Variants in PRKDC observed in about 807,000 individuals in gnomAD.
PRKDC encodes the protein DNA-dependent protein kinase catalytic subunit.
PRKDC carries 82 observed loss-of-function variants against 486.9 expected under a neutral mutation model. That is an observed-to-expected ratio of 0.17 (90% CI 0.14 to 0.20). The LOEUF is 0.20. Among genes scored for constraint, PRKDC ranks in the 10% least tolerant of loss-of-function variants. The probability of loss-of-function intolerance (pLI) is 1.00; values close to 1 mark genes in which losing one functional copy is unlikely to be tolerated. For synonymous variants in PRKDC, 1,895 were observed against 1,837.0 expected (o/e 1.03, Z -0.81); for missense variants, 4,504 against 5,038.2 (o/e 0.89, Z 3.21).
rs756644948 is a variant in PRKDC at position 47,914,033 on chromosome 8, A to G, written c.2649T>C (p.Tyr883=). 1 of 1,573,970 alleles carries G rather than the reference A, an allele frequency of 6.4e-7. No individual in the cohort carries two copies. Among genetic ancestry groups the G allele is most frequent in the South Asian group, 1.2e-5 (1 of 82,476 alleles). The change falls in exon 24 of 86, where the codon TAT becomes TAC. Residue 883 remains tyrosine (Y), a synonymous_variant. Coordinates refer to ENST00000314191, the MANE Select transcript of PRKDC (RefSeq NM_006904.7). ...GCCGCTTCTCTCTGTCCCAGGCCAC[A>G]TAGCTCTTCATCATCTCATCTGAGG... ...VTSSDEMMKS[Y]VAWDREKRLS...
intron 39 of PRKDC, among the ~76,000 whole-genome samples, chr8:47,878,231 G>A (rs1159265404): frequency 1.3e-5 from 2 of 150,408 alleles, no homozygotes; most frequent in East Asian, 2.0e-4. Context: ...TCAGCCTTCC[G>A]AGTAGCTGGG....
chr8:47,817,497 A>T lies in PRKDC; in HGVS notation c.9510T>A (p.Asp3170Glu), dbSNP rs757958003. The T allele has an allele frequency of 6.2e-7, 1 of 1,608,098 alleles. No homozygotes were observed. The highest frequency in any genetic ancestry group is 8.5e-7 in the Non-Finnish European group (1 of 1,176,874). The stretch of plus-strand genomic sequence containing the variant: ...AGATGTTCATTGGGTCCATTTTAGC[A>T]TCTGGATATCTGTTTGTCCAGGTGT... ...LLNTWTNRYP[D>E]AKMDPMNIWD... The change falls in exon 68 of 86, where the codon GAT (aspartate) becomes GAA (glutamate). Residue 3170 changes from aspartate (D) to glutamate (E), a missense_variant. This residue lies in a region of PRKDC where 1,592 missense variants were observed against 1,724.6 expected (regional missense o/e 0.92). Transcript: ENST00000314191.
At chr8:47,849,070 G>A in intron 54 of PRKDC, 84 bp downstream of exon 54, 4 of 1,502,798 alleles carry the variant, frequency 2.7e-6, no homozygotes, top group Non-Finnish European at 3.6e-6. Context: ...GAAACCCACA[G>A]GTTCTTCTTG....
chr8:47,953,147 A>G (rs570635796), intron 7 of PRKDC, among the ~76,000 whole-genome samples: 28 of 152,208 alleles, frequency 1.8e-4, no homozygotes, highest in Non-Finnish European at 8.8e-5. Context: ...TTTAAAAAAA[A>G]AAAGAAAGTA....
intron 10 of PRKDC, chr8:47,939,913 G>T: frequency 4.9e-6 from 1 of 204,068 alleles, no homozygotes; most frequent in Non-Finnish European, 9.2e-6. Context: ...ATTTTTCCTA[G>T]AGAAGGGACT....
intron 16 of PRKDC, among the ~76,000 whole-genome samples, chr8:47,932,153 G>A (rs535167381): frequency 2.7e-5 from 4 of 150,518 alleles, no homozygotes; most frequent in South Asian, 4.2e-4. Flanking sequence ...GTGCAATCTC[G>A]GCTCACTGCA....
At position 47,879,647 on chromosome 8, in the gene PRKDC, G is replaced by C. The variant is rs201654601; in HGVS notation, c.5079C>G (p.Val1693=). 263 of 1,578,428 alleles carry C rather than the reference G, an allele frequency of 1.7e-4. No homozygotes were observed. Among genetic ancestry groups the C allele is most frequent in the Non-Finnish European group, 2.2e-4 (252 of 1,165,402 alleles). ...KLDLHLKGQA[V]TLLPFFTSLT... is the part of the protein sequence containing the mutation. The stretch of plus-strand genomic sequence containing the variant: ...GGCTGGTGAAGAATGGAAGAAGAGT[G>C]ACAGCTTGGCCCTGTGGAGCAAGAC... Residue 1693 remains valine (V), a synonymous_variant, in exon 39 of 86, where the codon GTC becomes GTG. Coordinates refer to ENST00000314191, the MANE Select transcript of PRKDC (RefSeq NM_006904.7).
intron 84 of PRKDC, among the ~76,000 whole-genome samples, chr8:47,777,249 C>G (rs937497001): frequency 5.3e-5 from 8 of 151,914 alleles, no homozygotes; most frequent in African/African-American, 1.9e-4. Context: ...ACTCTTGTCA[C>G]CCAGGCTGGA....
At chr8:47,910,134 C>T (rs932483805) in intron 25 of PRKDC, among the ~76,000 whole-genome samples, 6 of 152,034 alleles carry the variant, frequency 3.9e-5, no homozygotes, top group Admixed American at 6.6e-5. Flanking sequence ...TTTCTCAGAC[C>T]GGCCGACACT....
chr8:47,828,810 C>G (rs775579473), intron 61 of PRKDC, among the ~76,000 whole-genome samples: 4 of 152,202 alleles, frequency 2.6e-5, no homozygotes, highest in Non-Finnish European at 5.9e-5. Context: ...CTTAAAATAA[C>G]TGATGAGCTT....
At chr8:47,891,148 A>T (rs2089447268) in intron 31 of PRKDC, among the ~76,000 whole-genome samples, 1 of 152,216 alleles carries the variant, frequency 6.6e-6, no homozygotes, top group Admixed American at 6.5e-5. Flanking sequence ...AATGAAAGAC[A>T]GACCCACCCT....
At position 47,773,731 on chromosome 8, in the gene PRKDC, T is replaced by C; in HGVS notation, c.*442A>G. On this transcript the variant is annotated 3_prime_UTR_variant, in exon 86 of 86. Transcript: ENST00000314191. Reference sequence around the variant, plus strand: ...TGCTTCTACAATGTTACATCAACTATACTTAGCTTTACTCTCCCAAAATCT... The same window carrying C: ...TGCTTCTACAATGTTACATCAACTACACTTAGCTTTACTCTCCCAAAATCT... 4.3e-6 allele frequency: 1 copy of C among 231,576 alleles called. No individual in the cohort carries two copies. Among genetic ancestry groups the C allele is most frequent in the Non-Finnish European group, 8.5e-6 (1 of 117,036 alleles). The allele number at this position is 231,576 out of a possible 1,614,324, so 14.3% of individuals were successfully genotyped here.
intron 58 of PRKDC, 58 bp from the exon 59 acceptor site, chr8:47,834,454 G>A (rs992981980): frequency 4.5e-6 from 7 of 1,565,306 alleles, no homozygotes; most frequent in South Asian, 2.3e-5. Flanking sequence ...TGTGCACGGG[G>A]CAGGACCACC....
At chr8:47,775,861 C>T (rs1469563024) in intron 85 of PRKDC, among the ~76,000 whole-genome samples, 1 of 146,956 alleles carries the variant, frequency 6.8e-6, no homozygotes, top group South Asian at 2.1e-4. Context: ...CTCACTTTGT[C>T]GCCTAGGCTG....
chr8:47,873,984 A>AT (rs1200890690), intron 40 of PRKDC, among the ~76,000 whole-genome samples: 7,490 of 130,114 alleles, frequency 0.058, 413 homozygotes, highest in African/African-American at 0.13. Context: ...GTATTTTGCT[A>AT]TTTTTTTTTT....
At chr8:47,900,945 C>T (rs780226502) in intron 27 of PRKDC, among the ~76,000 whole-genome samples, 34 of 150,778 alleles carry the variant, frequency 2.3e-4, no homozygotes, top group Non-Finnish European at 4.1e-4. Flanking sequence ...CCCTGGAGTT[C>T]GAGACCAGCC....
chr8:47,927,474 C>A, intron 20 of PRKDC, 121 bp from the exon 21 acceptor site: 1 of 1,177,910 alleles, frequency 8.5e-7, no homozygotes, highest in Non-Finnish European at 1.2e-6. Flanking sequence ...TGCCCGACAC[C>A]GCTGGAGAGT....
At chr8:47,822,110 A>G (rs1563752252) in intron 64 of PRKDC, among the ~76,000 whole-genome samples, 1 of 152,124 alleles carries the variant, frequency 6.6e-6, no homozygotes, top group Non-Finnish European at 1.5e-5. Flanking sequence ...TGGCCTACAA[A>G]AAACGCAAAA....
chr8:47,858,046 C>T lies in PRKDC; in HGVS notation c.6465+470G>A, dbSNP rs189913079. On this transcript the variant is annotated intron_variant, in intron 48 of 85. Coordinates refer to ENST00000314191, the MANE Select transcript of PRKDC (RefSeq NM_006904.7). ...CTACTCCTTCCCTGCCTAGTGCAAA[C>T]TCTCACTGCACTTCACCACGTCTAG... 2.6e-5 allele frequency among the ~76,000 whole-genome samples: 4 copies of T among 152,354 alleles called. No individual in the cohort carries two copies. In the East Asian group the frequency reaches 5.8e-4, roughly 22 times the overall value.
Sources: allele counts gnomAD v4.1 joint callset (sites outside exome capture counted in the v4.1 genomes callset), GRCh38; gene constraint gnomAD v4.1.1; regional missense constraint gnomAD v4.1.1; transcripts MANE v1.5; gene names NCBI Gene and HGNC (gene_info 2026-07-23, HGNC 2026-07-21).